Variants in HDAC4 observed in about 807,000 individuals in gnomAD.
HDAC4 encodes histone deacetylase A.
In HDAC4, 16 loss-of-function variants were observed where a neutral mutation model predicts 135.1. The ratio of observed to expected loss-of-function variants is 0.12; its 90% CI spans 0.08 to 0.18. The LOEUF is 0.18. HDAC4 is among the 10% of genes least tolerant of loss of function. The pLI, the probability that HDAC4 is intolerant of heterozygous loss-of-function variation, is 1.00. For synonymous variants in HDAC4, 685 were observed against 653.4 expected, an observed-to-expected ratio of 1.05 and a Z score of -0.74; for missense variants, 1,143 against 1,511.8, an observed-to-expected ratio of 0.76 and a Z score of 4.05.
intron 16 of HDAC4, among the ~76,000 whole-genome samples, chr2:239,101,741 T>G (rs1308233893): frequency 6.6e-6 from 1 of 152,100 alleles, no homozygotes; most frequent in Non-Finnish European, 1.5e-5. Flanking sequence ...CATCCCCAGG[T>G]CCGTGTTCTG....
rs1553622833 is a variant in HDAC4 at position 239,120,395 on chromosome 2, G to GCACACAGACA, written c.1534-5095_1534-5086dup. Among the ~76,000 whole-genome samples the GCACACAGACA allele has an allele frequency of 3.7e-3, 535 of 145,310 alleles. 5 individuals carry two copies. The highest frequency in any genetic ancestry group is 4.5e-3 in the Non-Finnish European group (300 of 66,098). On this transcript the variant is annotated intron_variant, in intron 12 of 26. Coordinates refer to ENST00000543185, the MANE Select transcript of HDAC4 (RefSeq NM_001378414.1). ...TATACCCGCAGAGGCACACACAGAC[G>GCACACAGACA]CACACAGACACACACACACAGACAC...
At chr2:239,059,499 GA>G (rs2032358700) in intron 24 of HDAC4, among the ~76,000 whole-genome samples, 1 of 152,150 alleles carries the variant, frequency 6.6e-6, no homozygotes, top group African/African-American at 2.4e-5. Context: ...GCAGAGACGT[GA>G]AAGGCAGGAA....
intron 2 of HDAC4, among the ~76,000 whole-genome samples, chr2:239,344,220 C>T (rs1487740162): frequency 2.0e-5 from 3 of 152,094 alleles, no homozygotes; most frequent in Middle Eastern, 3.2e-3. Context: ...TTCTGTTCCC[C>T]GCCAAGCTGT....
chr2:239,125,109 C>A (rs2040083304), intron 12 of HDAC4, among the ~76,000 whole-genome samples: 2 of 152,258 alleles, frequency 1.3e-5, no homozygotes, highest in South Asian at 4.1e-4. Flanking sequence ...GTTATTACGA[C>A]TGATACGGTT....
At chr2:239,242,202 A>C (rs1444967883) in intron 2 of HDAC4, among the ~76,000 whole-genome samples, 1 of 131,004 alleles carries the variant, frequency 7.6e-6, no homozygotes, top group East Asian at 2.6e-4. Context: ...AGGGAGAGAA[A>C]GAGAGAGGAC....
Position 239,134,381 on chromosome 2 carries a change from G to C in HDAC4, c.1158C>G (p.Ser386=), listed in dbSNP as rs754994527. ...LTLPALQQRL[S]LFPGTHLTPY... ...GAGTGAGGTGGGTGCCGGGGAAAAGGGAGAGCCTCTGCTGGAGGGCGGGAA... is the reference window on the plus strand; with the variant it reads ...GAGTGAGGTGGGTGCCGGGGAAAAGCGAGAGCCTCTGCTGGAGGGCGGGAA... Residue 386 remains serine (S), a synonymous_variant, in exon 11 of 27, where the codon TCC becomes TCG. Transcript: ENST00000543185. 1 of 1,613,880 alleles carries C rather than the reference G, an allele frequency of 6.2e-7. No homozygotes were observed. Among genetic ancestry groups the C allele is most frequent in the Admixed American group, 1.7e-5 (1 of 59,996 alleles).
At chr2:239,060,155 G>C (rs2032467088) in intron 24 of HDAC4, among the ~76,000 whole-genome samples, 1 of 152,218 alleles carries the variant, frequency 6.6e-6, no homozygotes, top group Non-Finnish European at 1.5e-5. Context: ...CTGTTTCCTA[G>C]AGGAGCGCAC....
intron 2 of HDAC4, among the ~76,000 whole-genome samples, chr2:239,340,486 C>T (rs538667410): frequency 6.6e-6 from 1 of 152,268 alleles, no homozygotes; most frequent in African/African-American, 2.4e-5. Flanking sequence ...CAGAGGAGGA[C>T]CATGGTGGGG....
Position 239,146,086 on chromosome 2 carries a change from C to T in HDAC4, c.734-1372G>A, listed in dbSNP as rs1486401397. On this transcript the variant is annotated intron_variant, in intron 7 of 26. Coordinates refer to ENST00000543185, the MANE Select transcript of HDAC4 (RefSeq NM_001378414.1). The surrounding 1 kb of genome is among the most constrained non-coding windows in gnomAD (Gnocchi z 4.5). ...GGGGGACCTGGATGACGACAGATGA[C>T]GGATTCAGCCACAAGCCGGCCTCTC... Among the ~76,000 whole-genome samples, 7 of 152,170 alleles carry T rather than the reference C, an allele frequency of 4.6e-5. No individual in the cohort carries two copies. Among genetic ancestry groups the T allele is most frequent in the Non-Finnish European group, 8.8e-5 (6 of 68,038 alleles).
intron 16 of HDAC4, among the ~76,000 whole-genome samples, chr2:239,096,378 C>CCCG (rs2037050697): frequency 7.6e-6 from 1 of 132,040 alleles, no homozygotes; most frequent in Non-Finnish European, 1.6e-5. Flanking sequence ...CAACCCCCCC[C>CCCG]GACACCTGCA....
chr2:239,069,604 GTCACAGTGCAAGCC>G (rs2033941262), intron 22 of HDAC4, among the ~76,000 whole-genome samples: 2 of 75,088 alleles, frequency 2.7e-5, no homozygotes, highest in Admixed American at 1.6e-4. Flanking sequence ...GTGAGAGTGA[GTCACAGTGCAAGCC>G]AGCAAGCCCC....
At chr2:239,109,822 G>C (rs1269243096) in intron 14 of HDAC4, among the ~76,000 whole-genome samples, 2 of 152,206 alleles carry the variant, frequency 1.3e-5, no homozygotes, top group African/African-American at 4.8e-5. Context: ...AATGGGGACT[G>C]CCCCTACAGT....
At chr2:239,344,137 G>A (rs142778072) in intron 2 of HDAC4, among the ~76,000 whole-genome samples, 21 of 152,220 alleles carry the variant, frequency 1.4e-4, no homozygotes, top group Middle Eastern at 3.4e-3. Context: ...CCTGGCACCC[G>A]GAGGCAGCCA....
chr2:239,095,187 C>T, intron 16 of HDAC4, 131 bp from the exon 17 acceptor site: 1 of 914,398 alleles, frequency 1.1e-6, no homozygotes, highest in Admixed American at 1.9e-5. Context: ...CACTGCTCCC[C>T]CTTGTGACAC....
chr2:239,195,666 T>C (rs2045333237), intron 3 of HDAC4, among the ~76,000 whole-genome samples: 1 of 152,208 alleles, frequency 6.6e-6, no homozygotes, highest in African/African-American at 2.4e-5. Context: ...TAAAACCTTC[T>C]CTCCTTAAAG....
intron 12 of HDAC4, among the ~76,000 whole-genome samples, chr2:239,117,139 C>T (rs114685078): frequency 6.6e-6 from 1 of 152,200 alleles, no homozygotes; most frequent in Admixed American, 6.5e-5. Context: ...TATGGCTGAC[C>T]TCAATGCGCT....
intron 22 of HDAC4, among the ~76,000 whole-genome samples, chr2:239,075,981 A>G (rs539338188): frequency 6.7e-6 from 1 of 148,374 alleles, no homozygotes; most frequent in African/African-American, 2.5e-5. Context: ...CTTCCTGGGA[A>G]ACAGAGCTGG....
intron 2 of HDAC4, among the ~76,000 whole-genome samples, chr2:239,317,246 G>C (rs1165706496): frequency 6.6e-6 from 1 of 152,162 alleles, no homozygotes; most frequent in Non-Finnish European, 1.5e-5. Flanking sequence ...AAATGTGAAA[G>C]GAGAAGGCCA....
chr2:239,095,055 G>A lies in HDAC4; in HGVS notation c.2235C>T (p.Gly745=). ...RQKLDSKKLL[G]SLASVFVRLP... is the part of the protein sequence containing the mutation. ...GCCGGACGAACACGGAGGCGAGCGAGCCTGTGGGGGGGAGGGAGACGGTCA... is the reference window on the plus strand; with the variant it reads ...GCCGGACGAACACGGAGGCGAGCGAACCTGTGGGGGGGAGGGAGACGGTCA... The change falls in exon 17 of 27, where the codon GGC becomes GGT. Residue 745 remains glycine (G), a splice_region_variant and synonymous_variant. Transcript: ENST00000543185. 1.2e-6 allele frequency: 2 copies of A among 1,613,878 alleles called. No individual in the cohort carries two copies. Among genetic ancestry groups the A allele is most frequent in the South Asian group, 1.1e-5 (1 of 91,092 alleles).
Sources: allele counts gnomAD v4.1 joint callset (sites outside exome capture counted in the v4.1 genomes callset), GRCh38; gene constraint gnomAD v4.1.1; non-coding constraint Gnocchi (gnomAD v3.1); transcripts MANE v1.5; gene names NCBI Gene and HGNC (gene_info 2026-07-23, HGNC 2026-07-21).